Variants in GDF1 observed in about 807,000 individuals in gnomAD.
GDF1 encodes the protein growth differentiation factor 1.
Under a neutral mutation model 7.4 loss-of-function variants are expected in GDF1, and 8 were observed. That is an observed-to-expected ratio of 1.09 (90% CI 0.64 to 1.96). The LOEUF (loss-of-function observed/expected upper bound fraction) is 1.96, where lower values mean the gene tolerates loss of function less well. Ranked by LOEUF, GDF1 falls within the 30% of genes most tolerant of loss-of-function variation. The pLI, the probability that GDF1 is intolerant of heterozygous loss-of-function variation, is 0.00. For synonymous variants in GDF1, 311 were observed against 276.7 expected (o/e 1.12, Z -1.23); for missense variants, 574 against 551.5 (o/e 1.04, Z -0.41).
chr19:18,890,020 C>T (rs2056453257), intron 2 of GDF1, among the ~76,000 whole-genome samples: 1 of 152,246 alleles, frequency 6.6e-6, no homozygotes, highest in Admixed American at 6.5e-5. Context: ...CTGTCAGCCC[C>T]CTCCTGGACC....
At position 18,890,784 on chromosome 19, in the gene GDF1, A is replaced by G. The variant is rs1020062311; in HGVS notation, c.-914+2632T>C. 2.6e-3 allele frequency among the ~76,000 whole-genome samples: 120 copies of G among 46,344 alleles called. 1 individual carries two copies. The South Asian group carries it at 0.049, about 19-fold the overall frequency. 30.4% of individuals were successfully genotyped at this position (46,344 alleles called of 152,430 possible). On this transcript the variant is annotated intron_variant, in intron 2 of 7. Transcript: ENST00000247005. The stretch of plus-strand genomic sequence containing the variant: ...CAACAGAGTAAGACCGCGTCTGGGG[A>G]AAAAAAAAAAAAAAAAAAAGCAGCT...
intron 2 of GDF1, among the ~76,000 whole-genome samples, chr19:18,891,439 G>A (rs967443230): frequency 9.2e-5 from 14 of 152,286 alleles, no homozygotes; most frequent in South Asian, 4.1e-4. Context: ...GCCCAGTGGC[G>A]ATGCCGGCCC....
At chr19:18,882,395 G>A (rs1011788667) in intron 3 of GDF1, among the ~76,000 whole-genome samples, 6 of 151,658 alleles carry the variant, frequency 4.0e-5, no homozygotes, top group African/African-American at 1.2e-4. Flanking sequence ...CACTTTGGGA[G>A]GCCGAGGCAG....
chr19:18,868,687 C>T lies in GDF1; in HGVS notation c.1029G>A (p.Ser343=), dbSNP rs748808313. 1.3e-5 allele frequency: 20 copies of T among 1,564,432 alleles called. No homozygotes were observed. Among genetic ancestry groups the T allele is most frequent in the Middle Eastern group, 1.7e-4 (1 of 5,974 alleles). ...DLPCCVPARL[S]PISVLFFDNS... is the part of the protein sequence containing the mutation. ...TGTCAAAGAAGAGCACGGAGATGGGCGACAGGCGCGCGGGCACGCAGCAGG... is the reference window on the plus strand; with the variant it reads ...TGTCAAAGAAGAGCACGGAGATGGGTGACAGGCGCGCGGGCACGCAGCAGG... Residue 343 remains serine (S), a synonymous_variant, in exon 8 of 8, where the codon TCG becomes TCA. Transcript: ENST00000247005.
chr19:18,887,744 C>CA (rs201962831), intron 2 of GDF1, among the ~76,000 whole-genome samples: 41,768 of 103,686 alleles, frequency 0.4, 7,298 homozygotes, highest in Middle Eastern at 0.57. Context: ...AACTCCATCT[C>CA]AAAAAAAAAA....
At chr19:18,889,596 A>AT (rs1162205222) in intron 2 of GDF1, among the ~76,000 whole-genome samples, 2 of 151,914 alleles carry the variant, frequency 1.3e-5, no homozygotes, top group Admixed American at 6.6e-5. Flanking sequence ...AGCTAATTTT[A>AT]TTTTTTTATT....
At chr19:18,893,628 C>T in intron 1 of GDF1, 53 bp from the exon 2 acceptor site, 2 of 1,549,426 alleles carry the variant, frequency 1.3e-6, no homozygotes, top group South Asian at 2.4e-5. Context: ...CCAGAGACTG[C>T]TCCTTTGGGG....
At chr19:18,889,480 A>G (rs2056441835) in intron 2 of GDF1, among the ~76,000 whole-genome samples, 1 of 152,088 alleles carries the variant, frequency 6.6e-6, no homozygotes, top group African/African-American at 2.4e-5. Flanking sequence ...GTAGTGGTGC[A>G]ATCTTGGCTC....
At chr19:18,872,409 G>GCA (rs1294057689) in intron 6 of GDF1, among the ~76,000 whole-genome samples, 1 of 151,932 alleles carries the variant, frequency 6.6e-6, no homozygotes, top group Non-Finnish European at 1.5e-5. Context: ...GTGCAGTGGC[G>GCA]CAATCTTGGC....
intron 3 of GDF1, among the ~76,000 whole-genome samples, chr19:18,880,822 G>C (rs895193926): frequency 6.6e-6 from 1 of 151,850 alleles, no homozygotes; most frequent in Admixed American, 6.6e-5. Flanking sequence ...CTCAGCCCCC[G>C]GAGAAGCTGG....
At position 18,895,812 on chromosome 19, in the gene GDF1, G is replaced by A; in HGVS notation, c.-1074+12C>T. On this transcript the variant is annotated intron_variant, in intron 1 of 7. Transcript: ENST00000247005. The surrounding 1 kb of genome is among the most constrained non-coding windows in gnomAD (Gnocchi z 6.4). The stretch of plus-strand genomic sequence containing the variant: ...CCGGGGTCCCCTCGTCCCGGCCCCC[G>A]GCCACACTGACCCGAAAGAGGCGCG... 2 of 1,248,604 alleles carry A rather than the reference G, an allele frequency of 1.6e-6. No individual in the cohort carries two copies. Among genetic ancestry groups the A allele is most frequent in the Admixed American group, 4.4e-5 (1 of 22,620 alleles). The allele number at this position is 1,248,604 out of a possible 1,614,324, so 77.3% of individuals were successfully genotyped here. A position where few individuals can be genotyped will look rare whatever the true frequency, so the allele number is the denominator to read the frequency against.
chr19:18,876,724 T>TG (rs1328226131), intron 6 of GDF1, among the ~76,000 whole-genome samples: 2 of 152,152 alleles, frequency 1.3e-5, no homozygotes, highest in African/African-American at 4.8e-5. Context: ...TTTACAGAGA[T>TG]GCTACAAAGG....
At position 18,878,452 on chromosome 19, in the gene GDF1, C is replaced by T. The variant is rs2056105876; in HGVS notation, c.-313+478G>A. 1.0e-6 allele frequency: 1 copy of T among 991,824 alleles called. No individual in the cohort carries two copies. Among genetic ancestry groups the T allele is most frequent in the South Asian group, 4.5e-5 (1 of 22,018 alleles). 61.4% of individuals were successfully genotyped at this position (991,824 alleles called of 1,614,324 possible). A position where few individuals can be genotyped will look rare whatever the true frequency, so the allele number is the denominator to read the frequency against. On this transcript the variant is annotated intron_variant, in intron 6 of 7. Transcript: ENST00000247005. This position sits in a 1 kb window ranked among gnomAD's most constrained non-coding sequence, Gnocchi z 4.6. ...CTCCTGTTTGGCCGGGCAGTGGGCT[C>T]CCCTGTCAAACTCAGAGGCCAGGAT...
intron 2 of GDF1, among the ~76,000 whole-genome samples, chr19:18,892,968 G>A (rs2056529610): frequency 6.6e-6 from 1 of 152,022 alleles, no homozygotes; most frequent in Non-Finnish European, 1.5e-5. Context: ...CCAGGCTGGA[G>A]TGCAGTGGCG....
In GDF1 at chr19:18,895,696, C is replaced by T; in HGVS notation, c.-1074+128G>A. The T allele has an allele frequency of 2.5e-6, 1 of 406,012 alleles. No homozygotes were observed. The highest frequency in any genetic ancestry group is 3.7e-6 in the Non-Finnish European group (1 of 267,994). 25.2% of individuals were successfully genotyped at this position (406,012 alleles called of 1,614,324 possible). On this transcript the variant is annotated intron_variant, in intron 1 of 7. Transcript: ENST00000247005. The surrounding 1 kb of genome is among the most constrained non-coding windows in gnomAD (Gnocchi z 6.4). Reference sequence around the variant, plus strand: ...CTCTCCAGCCCGAGGCCCCCACCCACGTTCCGGCGACCCCTTCATCCGCAG... The same window carrying T: ...CTCTCCAGCCCGAGGCCCCCACCCATGTTCCGGCGACCCCTTCATCCGCAG...
intron 6 of GDF1, among the ~76,000 whole-genome samples, chr19:18,872,793 G>A (rs1194805777): frequency 6.6e-6 from 1 of 152,176 alleles, no homozygotes; most frequent in African/African-American, 2.4e-5. Flanking sequence ...GGGATTACAG[G>A]CGTGAGCGCC....
Position 18,896,106 on chromosome 19 carries a change from G to T in GDF1, c.-1356C>A, listed in dbSNP as rs992418214. The T allele has an allele frequency of 3.0e-5, 26 of 862,344 alleles. No individual in the cohort carries two copies. Among genetic ancestry groups the T allele is most frequent in the African/African-American group, 3.7e-5 (2 of 54,170 alleles). The allele number at this position is 862,344 out of a possible 1,614,324, so 53.4% of individuals were successfully genotyped here. A position where few individuals can be genotyped will look rare whatever the true frequency, so the allele number is the denominator to read the frequency against. On this transcript the variant is annotated 5_prime_UTR_variant, in exon 1 of 8. Coordinates refer to ENST00000247005, the MANE Select transcript of GDF1 (RefSeq NM_001492.6). This position sits in a 1 kb window ranked among gnomAD's most constrained non-coding sequence, Gnocchi z 5.9. ...CTCGCCCGCCGTGCCCGTCGCCTGC[G>T]CCCGCCCGCGGTAGCCGACGGAGCC...
In GDF1 at chr19:18,870,743, C is replaced by T. The variant is rs181482387; in HGVS notation, c.-312-124G>A. 4.1e-3 allele frequency: 1,816 copies of T among 446,874 alleles called. 43 individuals carry two copies. The highest frequency in any genetic ancestry group is 0.034 in the African/African-American group (1,671 of 48,884). 27.7% of individuals were successfully genotyped at this position (446,874 alleles called of 1,614,324 possible). On this transcript the variant is annotated intron_variant, in intron 6 of 7. Transcript: ENST00000247005. The surrounding 1 kb of genome is among the most constrained non-coding windows in gnomAD (Gnocchi z 5.1). ...CTTTTACCCGGCCAGGCCCGGGCCTCGCCTTGTGGCTTCCTCCTCGCCTTC... is the reference window on the plus strand; with the variant it reads ...CTTTTACCCGGCCAGGCCCGGGCCTTGCCTTGTGGCTTCCTCCTCGCCTTC...
chr19:18,872,704 TGCG>T (rs2055995376), intron 6 of GDF1, among the ~76,000 whole-genome samples: 1 of 48,272 alleles, frequency 2.1e-5, no homozygotes. Flanking sequence ...TTAGTAGAGA[TGCG>T]GTTTTACCAT....
Sources: gnomAD v4.1 joint callset for allele counts (sites outside exome capture counted in the v4.1 genomes callset) on GRCh38, gnomAD v4.1.1 for gene constraint, Gnocchi (gnomAD v3.1) non-coding constraint, MANE v1.5 for transcripts, NCBI Gene and HGNC (gene_info 2026-07-23, HGNC 2026-07-21) for gene names.